The following STK17A variants were observed in gnomAD, a reference collection of about 807,000 sequenced individuals.
STK17A encodes the protein serine/threonine kinase 17a, also known as serine/threonine-protein kinase 17A.
A neutral mutation model predicts 43.7 loss-of-function variants in STK17A; 26 were observed. The ratio of observed to expected loss-of-function variants is 0.60; its 90% CI spans 0.44 to 0.83. The LOEUF is 0.83. Ranked by LOEUF, STK17A falls within the 40% of genes least tolerant of loss-of-function variation. STK17A has a pLI of 0.00. For missense variants in STK17A, 476 were observed against 511.6 expected, an observed-to-expected ratio of 0.93 and a Z score of 0.67; for synonymous variants, 191 against 182.5, an observed-to-expected ratio of 1.05 and a Z score of -0.38.
chr7:43,591,288 T>A (rs911639975), intron 1 of STK17A, among the ~76,000 whole-genome samples: 1 of 151,606 alleles, frequency 6.6e-6, no homozygotes, highest in African/African-American at 2.4e-5. Context: ...GTTAAAAAAA[T>A]TAGAATAAGA....
chr7:43,592,253 G>A (rs1453972871), intron 1 of STK17A, among the ~76,000 whole-genome samples: 1 of 151,328 alleles, frequency 6.6e-6, no homozygotes, highest in Admixed American at 6.6e-5. Context: ...TAAAATGAAA[G>A]GTATTAATTA....
At chr7:43,620,432 T>C (rs1238757447) in intron 4 of STK17A, among the ~76,000 whole-genome samples, 2 of 152,180 alleles carry the variant, frequency 1.3e-5, no homozygotes, top group Non-Finnish European at 2.9e-5. Flanking sequence ...CCCAGCACTT[T>C]GGGAGGCCAA....
intron 3 of STK17A, among the ~76,000 whole-genome samples, chr7:43,612,874 CAA>C (rs142874015): frequency 0.019 from 2,873 of 151,834 alleles, 94 homozygotes; most frequent in African/African-American, 0.066. Context: ...CATACAGCCA[CAA>C]AAATAGAAAA....
chr7:43,607,152 A>T (rs1401725284), intron 2 of STK17A, among the ~76,000 whole-genome samples: 3 of 151,322 alleles, frequency 2.0e-5, no homozygotes, highest in Non-Finnish European at 4.4e-5. Flanking sequence ...GGAATTCCTG[A>T]TCTCAGGTGA....
intron 2 of STK17A, among the ~76,000 whole-genome samples, chr7:43,606,324 A>G (rs2152972207): frequency 6.6e-6 from 1 of 152,328 alleles, no homozygotes; most frequent in East Asian, 1.9e-4. Context: ...TAGAAAAAAC[A>G]GTGTTTGGTT....
At position 43,583,124 on chromosome 7, in the gene STK17A, G is replaced by A; in HGVS notation, c.-120G>A. 2 of 1,101,912 alleles carry A rather than the reference G, an allele frequency of 1.8e-6. No homozygotes were observed. Among genetic ancestry groups the A allele is most frequent in the Non-Finnish European group, 2.6e-6 (2 of 782,696 alleles). The allele number at this position is 1,101,912 out of a possible 1,614,324, so 68.3% of individuals were successfully genotyped here. A position where few individuals can be genotyped will look rare whatever the true frequency, so the allele number is the denominator to read the frequency against. ...CTGCCTGCCGCAGTCCGAGCGCCGC[G>A]CTGGGGAGAGCGGGTGTTTGAAGGC... On this transcript the variant is annotated 5_prime_UTR_variant, in exon 1 of 7. Coordinates refer to ENST00000319357, the MANE Select transcript of STK17A (RefSeq NM_004760.3).
chr7:43,585,349 C>T (rs1179061194), intron 1 of STK17A, among the ~76,000 whole-genome samples: 1 of 142,784 alleles, frequency 7.0e-6, no homozygotes, highest in African/African-American at 2.5e-5. Context: ...TTGCACCCCA[C>T]CAGGTGTTAT....
chr7:43,603,411 C>T (rs1260122047), intron 2 of STK17A, among the ~76,000 whole-genome samples: 1 of 152,150 alleles, frequency 6.6e-6, no homozygotes, highest in Non-Finnish European at 1.5e-5. Context: ...CCTGAAGCAC[C>T]TGCTATGTGC....
At chr7:43,590,235 C>T (rs568039062) in intron 1 of STK17A, among the ~76,000 whole-genome samples, 26 of 151,468 alleles carry the variant, frequency 1.7e-4, no homozygotes, top group African/African-American at 5.8e-4. Flanking sequence ...CATGAGCCAC[C>T]GTGCCCAACC....
chr7:43,597,111 G>A (rs992606051), intron 2 of STK17A, among the ~76,000 whole-genome samples: 4 of 152,160 alleles, frequency 2.6e-5, no homozygotes, highest in African/African-American at 4.8e-5. Flanking sequence ...TAGCCAAAGC[G>A]GTTAAAGTTG....
rs1278355253 is a variant in STK17A, at chr7:43,625,426, AT to A, written c.*585del. 1 of 152,200 alleles carries A rather than the reference AT, an allele frequency of 6.6e-6. No individual in the cohort carries two copies. Among genetic ancestry groups the A allele is most frequent in the African/African-American group, 2.4e-5 (1 of 41,436 alleles). The allele number at this position is 152,200 out of a possible 1,614,324, so 9.4% of individuals were successfully genotyped here. A position where few individuals can be genotyped will look rare whatever the true frequency, so the allele number is the denominator to read the frequency against. On this transcript the variant is annotated 3_prime_UTR_variant, in exon 7 of 7. Coordinates refer to ENST00000319357, the MANE Select transcript of STK17A (RefSeq NM_004760.3). ...TGGTTTCTGTTGTGTTTTTGCCTAA[AT>A]ACTAGTAACATATCAGTGAAAAACC...
At chr7:43,598,165 A>G (rs11765602) in intron 2 of STK17A, among the ~76,000 whole-genome samples, 2 of 152,050 alleles carry the variant, frequency 1.3e-5, no homozygotes, top group East Asian at 3.9e-4. Context: ...GAGCAGATAA[A>G]CCATATTTAT....
intron 3 of STK17A, among the ~76,000 whole-genome samples, chr7:43,611,601 T>G (rs919974474): frequency 6.6e-6 from 1 of 152,186 alleles, no homozygotes; most frequent in African/African-American, 2.4e-5. Flanking sequence ...GCAAGAAATT[T>G]CCACCTTGCT....
intron 1 of STK17A, 80 bp downstream of exon 1, chr7:43,583,529 C>T (rs2082416412): frequency 8.7e-7 from 1 of 1,151,890 alleles, no homozygotes; most frequent in Non-Finnish European, 1.1e-6. Context: ...GCCGGCGCCG[C>T]GGCGGCGAGG....
At chr7:43,607,501 T>C (rs1423210232) in intron 2 of STK17A, among the ~76,000 whole-genome samples, 1 of 151,174 alleles carries the variant, frequency 6.6e-6, no homozygotes, top group East Asian at 2.0e-4. Flanking sequence ...ACAAAAAAAT[T>C]AGCCGGGCGT....
chr7:43,583,592 T>A, intron 1 of STK17A, 143 bp downstream of exon 1: 1 of 768,802 alleles, frequency 1.3e-6, no homozygotes, highest in Non-Finnish European at 1.8e-6. Context: ...GGCACAAACT[T>A]GGGTGCCGAC....
At chr7:43,592,082 G>A (rs1197051842) in intron 1 of STK17A, among the ~76,000 whole-genome samples, 2 of 151,450 alleles carry the variant, frequency 1.3e-5, no homozygotes, top group East Asian at 1.9e-4. Flanking sequence ...CATTTCAGAC[G>A]AATTTTTTAC....
At chr7:43,611,655 G>A (rs879930063) in intron 3 of STK17A, among the ~76,000 whole-genome samples, 4 of 152,114 alleles carry the variant, frequency 2.6e-5, no homozygotes, top group Non-Finnish European at 5.9e-5. Flanking sequence ...TCCGCAGTAC[G>A]GACTTTCACT....
In STK17A at chr7:43,592,426, T is replaced by G. The variant is rs1583548095; in HGVS notation, c.207-3475T>G. 2.8e-5 allele frequency among the ~76,000 whole-genome samples: 4 copies of G among 142,766 alleles called. No individual in the cohort carries two copies. The Middle Eastern group carries it at 0.01, about 367-fold the overall frequency. 93.7% of individuals were successfully genotyped at this position (142,766 alleles called of 152,430 possible). A position where few individuals can be genotyped will look rare whatever the true frequency, so the allele number is the denominator to read the frequency against. On this transcript the variant is annotated intron_variant, in intron 1 of 6. Transcript: ENST00000319357. ...TGCTTAAGGATTTGTCATTCCACAT[T>G]TATATTACTAATGATAAAAACATGG... is the stretch of plus-strand genomic sequence containing the variant.
Sources: allele counts gnomAD v4.1 joint callset (sites outside exome capture counted in the v4.1 genomes callset), GRCh38; gene constraint gnomAD v4.1.1; transcripts MANE v1.5; gene names NCBI Gene and HGNC (gene_info 2026-07-23, HGNC 2026-07-21).